Variants in LDB2 observed in about 807,000 individuals in gnomAD.
LDB2 encodes the protein LIM domain-binding protein 2.
LDB2 carries 12 observed loss-of-function variants against 44.3 expected under a neutral mutation model. The ratio of observed to expected loss-of-function variants is 0.27; its 90% CI spans 0.17 to 0.44. The LOEUF is 0.44. Ranked by LOEUF, LDB2 falls within the 20% of genes least tolerant of loss-of-function variation. LDB2 has a pLI of 1.00. For missense variants in LDB2, 344 were observed against 473.5 expected, an observed-to-expected ratio of 0.73 and a Z score of 2.54; for synonymous variants, 164 against 174.8, an observed-to-expected ratio of 0.94 and a Z score of 0.49.
chr4:16,712,577 A>G (rs1466384894), intron 2 of LDB2, among the ~76,000 whole-genome samples: 2 of 152,152 alleles, frequency 1.3e-5, no homozygotes, highest in East Asian at 3.9e-4. Flanking sequence ...AAAAGAAAAG[A>G]AATTTCTACA....
rs141579613 is a variant in LDB2 at position 16,672,481 on chromosome 4, G to T, written c.236-76606C>A. 5.5e-3 allele frequency among the ~76,000 whole-genome samples: 834 copies of T among 152,286 alleles called. 4 individuals carry two copies. Among genetic ancestry groups the T allele is most frequent in the African/African-American group, 0.018 (754 of 41,556 alleles). On this transcript the variant is annotated intron_variant, in intron 2 of 7. Coordinates refer to ENST00000304523, the MANE Select transcript of LDB2 (RefSeq NM_001290.5). ...GCTCAACCCTTGCCCAGAGAGGCAA[G>T]AGTTAAATGGGAACTGAGCCCTTAC... is the stretch of plus-strand genomic sequence containing the variant.
chr4:16,697,747 G>A (rs1752514510), intron 2 of LDB2, among the ~76,000 whole-genome samples: 1 of 152,188 alleles, frequency 6.6e-6, no homozygotes, highest in Non-Finnish European at 1.5e-5. Context: ...TAGTGTTGGA[G>A]GAAAAGTGGT....
intron 2 of LDB2, among the ~76,000 whole-genome samples, chr4:16,669,459 C>A (rs1216485514): frequency 6.6e-6 from 1 of 152,120 alleles, no homozygotes; most frequent in African/African-American, 2.4e-5. Flanking sequence ...TAATCAAGTT[C>A]TTCCAGCCTA....
At chr4:16,837,423 C>A (rs531637611) in intron 1 of LDB2, among the ~76,000 whole-genome samples, 6 of 152,298 alleles carry the variant, frequency 3.9e-5, no homozygotes, top group African/African-American at 1.4e-4. Context: ...ACCAAAGAAT[C>A]CTGCCTCCTA....
intron 1 of LDB2, among the ~76,000 whole-genome samples, chr4:16,852,729 G>T (rs1662986797): frequency 6.6e-6 from 1 of 151,988 alleles, no homozygotes; most frequent in Non-Finnish European, 1.5e-5. Flanking sequence ...ATTCTTTTGG[G>T]ACTAAAAACT....
chr4:16,789,612 C>T (rs192167482), intron 1 of LDB2, among the ~76,000 whole-genome samples: 53 of 152,276 alleles, frequency 3.5e-4, no homozygotes, highest in African/African-American at 4.6e-4. Flanking sequence ...AGACACTCAC[C>T]GAATATTTCA....
intron 1 of LDB2, among the ~76,000 whole-genome samples, chr4:16,869,863 T>G (rs931214625): frequency 6.6e-6 from 1 of 152,176 alleles, no homozygotes; most frequent in African/African-American, 2.4e-5. Context: ...GGTTGCAAAT[T>G]TGGAAGTGAT....
At chr4:16,731,865 A>G (rs1388776973) in intron 2 of LDB2, among the ~76,000 whole-genome samples, 3 of 152,128 alleles carry the variant, frequency 2.0e-5, no homozygotes, top group Admixed American at 1.3e-4. Context: ...TTCCCTTTTC[A>G]AGCAGTAACT....
chr4:16,719,518 C>T (rs1289408452), intron 2 of LDB2, among the ~76,000 whole-genome samples: 4 of 152,038 alleles, frequency 2.6e-5, no homozygotes, highest in Admixed American at 2.6e-4. Flanking sequence ...ATTGTTCTTC[C>T]CATTCATCCT....
intron 1 of LDB2, among the ~76,000 whole-genome samples, chr4:16,817,438 T>C (rs207680): frequency 0.97 from 147,341 of 152,262 alleles, 71,325 homozygotes; most frequent in Middle Eastern, 0.99. Context: ...GTTTACAATT[T>C]TTTATCTCTT....
At chr4:16,695,470 A>G (rs1751908964) in intron 2 of LDB2, among the ~76,000 whole-genome samples, 1 of 152,026 alleles carries the variant, frequency 6.6e-6, no homozygotes, top group South Asian at 2.1e-4. Flanking sequence ...AAAAAAAAAA[A>G]AAGAAGAAGA....
chr4:16,635,640 T>C (rs111442206), intron 2 of LDB2, among the ~76,000 whole-genome samples: 8 of 151,874 alleles, frequency 5.3e-5, no homozygotes, highest in African/African-American at 1.9e-4. Flanking sequence ...ACAGAGTTTA[T>C]GCTTTTGAAT....
At chr4:16,528,215 G>A (rs1030470970) in intron 5 of LDB2, among the ~76,000 whole-genome samples, 3 of 152,136 alleles carry the variant, frequency 2.0e-5, no homozygotes, top group African/African-American at 7.2e-5. Context: ...GGGCGAAAGG[G>A]AGGGAAGCGG....
intron 2 of LDB2, among the ~76,000 whole-genome samples, chr4:16,661,635 C>T (rs1014991618): frequency 2.0e-5 from 3 of 151,926 alleles, no homozygotes; most frequent in Non-Finnish European, 4.4e-5. Context: ...TTTTTTTTAA[C>T]GTTGTCCTCT....
chr4:16,685,000 G>A (rs1282152577), intron 2 of LDB2, among the ~76,000 whole-genome samples: 2 of 152,186 alleles, frequency 1.3e-5, no homozygotes, highest in Non-Finnish European at 2.9e-5. Flanking sequence ...CCCACAAGCT[G>A]TAATTTACTG....
chr4:16,884,357 C>T (rs1293598125), intron 1 of LDB2, among the ~76,000 whole-genome samples: 4 of 152,024 alleles, frequency 2.6e-5, no homozygotes, highest in South Asian at 2.1e-4. Flanking sequence ...ATCATGCTAT[C>T]GTCCAAAGTA....
chr4:16,803,881 ATAAC>A (rs1778302007), intron 1 of LDB2, among the ~76,000 whole-genome samples: 1 of 152,254 alleles, frequency 6.6e-6, no homozygotes, highest in Admixed American at 6.5e-5. Context: ...TAAAAAATAT[ATAAC>A]TAATATGGAA....
At position 16,515,016 on chromosome 4, in the gene LDB2, C is replaced by T. The variant is rs73798799; in HGVS notation, c.616-2912G>A. ...TTCATTGCAGTACCACTCACAATAG[C>T]GAAGACGTGGAATCAACCCAAGTGC... On this transcript the variant is annotated intron_variant, in intron 5 of 7. Coordinates refer to ENST00000304523, the MANE Select transcript of LDB2 (RefSeq NM_001290.5). Among the ~76,000 whole-genome samples, 920 of 152,188 alleles carry T rather than the reference C, an allele frequency of 6.0e-3. 14 individuals are homozygous for T. Among genetic ancestry groups the T allele is most frequent in the African/African-American group, 0.02 (849 of 41,514 alleles).
At chr4:16,849,802 T>A (rs1787823661) in intron 1 of LDB2, among the ~76,000 whole-genome samples, 3 of 152,206 alleles carry the variant, frequency 2.0e-5, no homozygotes, top group Admixed American at 2.0e-4. Flanking sequence ...TGCCCACTTC[T>A]GGAGGGTCAG....
Sources: gnomAD v4.1 joint callset for allele counts (sites outside exome capture counted in the v4.1 genomes callset) on GRCh38, gnomAD v4.1.1 for gene constraint, MANE v1.5 for transcripts, NCBI Gene and HGNC (gene_info 2026-07-23, HGNC 2026-07-21) for gene names.